The following GPR158 variants were observed in gnomAD, a reference collection of about 807,000 sequenced individuals.
The protein encoded by GPR158 is G protein-coupled receptor 158.
A neutral mutation model predicts 78.2 loss-of-function variants in GPR158; 30 were observed. That is an observed-to-expected ratio of 0.38 (90% confidence interval 0.29 to 0.52). The LOEUF is 0.52. Among genes scored for constraint, GPR158 ranks in the 20% least tolerant of loss-of-function variants. The pLI, the probability that GPR158 is intolerant of heterozygous loss-of-function variation, is 0.83. For synonymous variants in GPR158, 581 were observed against 591.1 expected (o/e 0.98, Z 0.25); for missense variants, 1,463 against 1,523.5 (o/e 0.96, Z 0.66).
At chr10:25,350,852 C>T (rs1855449992) in intron 2 of GPR158, among the ~76,000 whole-genome samples, 1 of 151,990 alleles carries the variant, frequency 6.6e-6, no homozygotes, top group African/African-American at 2.4e-5. Flanking sequence ...TACATATGCT[C>T]ATCACGGCAT....
Position 25,260,540 on chromosome 10 carries a change from C to T in GPR158, c.1008+39383C>T, listed in dbSNP as rs868204320. Among the ~76,000 whole-genome samples, 12 of 151,654 alleles carry T rather than the reference C, an allele frequency of 7.9e-5. No individual in the cohort carries two copies. In the Middle Eastern group the frequency reaches 0.02, roughly 258 times the overall value. On this transcript the variant is annotated intron_variant, in intron 2 of 10. Transcript: ENST00000376351. ...TTTTTAACTTTTCTTCCAAAGAATC[C>T]AGAGTTCAGGGCTAAGACTGACTTG...
intron 7 of GPR158, among the ~76,000 whole-genome samples, chr10:25,578,264 T>C (rs1837133119): frequency 6.6e-6 from 1 of 152,236 alleles, no homozygotes; most frequent in African/African-American, 2.4e-5. Flanking sequence ...GCCTACGTTG[T>C]TCAGACTTAT....
At chr10:25,296,194 C>G (rs748562096) in intron 2 of GPR158, among the ~76,000 whole-genome samples, 3 of 152,060 alleles carry the variant, frequency 2.0e-5, no homozygotes, top group Non-Finnish European at 4.4e-5. Flanking sequence ...TATTTGTACA[C>G]TATATCAGCC....
At chr10:25,469,742 C>T (rs1249345460) in intron 5 of GPR158, among the ~76,000 whole-genome samples, 1 of 141,242 alleles carries the variant, frequency 7.1e-6, no homozygotes, top group Non-Finnish European at 1.5e-5. Context: ...CGAGATTGTG[C>T]CACTGCATTC....
At chr10:25,337,742 T>A (rs1855230199) in intron 2 of GPR158, among the ~76,000 whole-genome samples, 1 of 152,026 alleles carries the variant, frequency 6.6e-6, no homozygotes, top group South Asian at 2.1e-4. Flanking sequence ...GTATTTGATA[T>A]AAACTTCTAA....
intron 4 of GPR158, among the ~76,000 whole-genome samples, chr10:25,421,485 C>T (rs947488): frequency 0.71 from 108,253 of 152,026 alleles, 39,512 homozygotes; most frequent in Non-Finnish European, 0.76. Context: ...TATAGAGGTA[C>T]TGTAGAAGTT....
intron 2 of GPR158, among the ~76,000 whole-genome samples, chr10:25,352,181 C>T (rs1006501881): frequency 2.0e-5 from 3 of 152,018 alleles, no homozygotes; most frequent in Non-Finnish European, 4.4e-5. Context: ...TGTTTGATAT[C>T]CATGCCATAC....
chr10:25,583,042 G>T (rs1011520657), intron 7 of GPR158, among the ~76,000 whole-genome samples: 1 of 152,156 alleles, frequency 6.6e-6, no homozygotes, highest in Non-Finnish European at 1.5e-5. Flanking sequence ...TAAGAGACTC[G>T]GATTCTAGGC....
intron 5 of GPR158, among the ~76,000 whole-genome samples, chr10:25,543,942 C>A (rs1050929728): frequency 6.6e-6 from 1 of 152,146 alleles, no homozygotes; most frequent in Non-Finnish European, 1.5e-5. Context: ...AAGCCTTGCT[C>A]TCAAAGACTG....
intron 5 of GPR158, among the ~76,000 whole-genome samples, chr10:25,473,557 A>T (rs866650967): frequency 7.2e-5 from 11 of 152,280 alleles, no homozygotes; most frequent in Middle Eastern, 3.4e-3. Flanking sequence ...TACCTCTGGT[A>T]GAATTCGGCT....
chr10:25,371,264 C>T (rs1206736022), intron 2 of GPR158, among the ~76,000 whole-genome samples: 10 of 151,532 alleles, frequency 6.6e-5, no homozygotes, highest in Admixed American at 4.6e-4. Context: ...TTCCTAGTCT[C>T]GATGGTCTTT....
intron 5 of GPR158, among the ~76,000 whole-genome samples, chr10:25,544,475 A>G (rs1159433545): frequency 6.6e-6 from 1 of 152,178 alleles, no homozygotes. Context: ...CCCTAAATAT[A>G]GGTAATATGT....
chr10:25,193,709 CTCTT>C (rs1270451833), intron 1 of GPR158, among the ~76,000 whole-genome samples: 2 of 152,098 alleles, frequency 1.3e-5, no homozygotes, highest in Non-Finnish European at 2.9e-5. Context: ...TTTACTTTGT[CTCTT>C]TCTTTTTCCT....
intron 2 of GPR158, among the ~76,000 whole-genome samples, chr10:25,328,141 G>A (rs1236342143): frequency 6.6e-6 from 1 of 152,024 alleles, no homozygotes; most frequent in Non-Finnish European, 1.5e-5. Flanking sequence ...GAATAAGAAA[G>A]GACTAATTCC....
At chr10:25,444,423 ATGTG>A (rs1046593138) in intron 4 of GPR158, among the ~76,000 whole-genome samples, 2 of 149,402 alleles carry the variant, frequency 1.3e-5, no homozygotes, top group African/African-American at 2.5e-5. Flanking sequence ...GTGTGAGTGT[ATGTG>A]TGTGTATGTG....
At chr10:25,234,106 G>T (rs936161153) in intron 2 of GPR158, among the ~76,000 whole-genome samples, 1 of 152,152 alleles carries the variant, frequency 6.6e-6, no homozygotes, top group Non-Finnish European at 1.5e-5. Context: ...TTTCAAGAGT[G>T]TAAAGGGGTC....
chr10:25,220,738 T>C (rs2130682375), intron 1 of GPR158, among the ~76,000 whole-genome samples: 1 of 152,300 alleles, frequency 6.6e-6, no homozygotes, highest in Non-Finnish European at 1.5e-5. Context: ...TAGAGTCACA[T>C]TTTCTGCCAT....
chr10:25,295,972 T>TTCTTGTGA (rs1382509702), intron 2 of GPR158, among the ~76,000 whole-genome samples: 1 of 150,660 alleles, frequency 6.6e-6, no homozygotes, highest in Non-Finnish European at 1.5e-5. Flanking sequence ...GAGATTTCCA[T>TTCTTGTGA]AGGTATTCTT....
intron 5 of GPR158, among the ~76,000 whole-genome samples, chr10:25,533,841 G>A (rs1265726165): frequency 1.3e-5 from 2 of 152,164 alleles, no homozygotes. Context: ...CCCCAGCTGA[G>A]TTTAAACCCA....
Sources: gnomAD v4.1 joint callset for allele counts (sites outside exome capture counted in the v4.1 genomes callset) on GRCh38, gnomAD v4.1.1 for gene constraint, MANE v1.5 for transcripts, NCBI Gene and HGNC (gene_info 2026-07-23, HGNC 2026-07-21) for gene names.